The following UBE2H variants were observed in gnomAD, a reference collection of about 807,000 sequenced individuals.
UBE2H encodes ubiquitin conjugating enzyme E2 H.
UBE2H carries 3 observed loss-of-function variants against 29.0 expected under a neutral mutation model. The ratio of observed to expected loss-of-function variants is 0.10; its 90% CI spans 0.05 to 0.27. The LOEUF is 0.27. UBE2H is among the 10% of genes least tolerant of loss of function. The pLI is 1.00. For missense variants in UBE2H, 68 were observed against 228.2 expected, an observed-to-expected ratio of 0.30 and a Z score of 4.52; for synonymous variants, 69 against 82.9, an observed-to-expected ratio of 0.83 and a Z score of 0.91.
intron 5 of UBE2H, among the ~76,000 whole-genome samples, chr7:129,842,267 C>T (rs1487210451): frequency 6.6e-6 from 1 of 152,136 alleles, no homozygotes; most frequent in Admixed American, 6.5e-5. Flanking sequence ...CCTGTCCCTA[C>T]TAAAAAATAC....
chr7:129,881,045 ATGCCACTTAAAGTGT>A (rs1806242878), intron 1 of UBE2H, 74 bp from the exon 2 acceptor site: 3 of 1,354,878 alleles, frequency 2.2e-6, no homozygotes. Flanking sequence ...CCCCAGGCAT[ATGCCACTTAAAGTGT>A]TACCAAAATT....
chr7:129,832,779 T>C lies in UBE2H; in HGVS notation c.*2158A>G, dbSNP rs1429017108. On this transcript the variant is annotated 3_prime_UTR_variant, in exon 7 of 7. Coordinates refer to ENST00000355621, the MANE Select transcript of UBE2H (RefSeq NM_003344.4). Reference sequence around the variant, plus strand: ...TTTTTTTAAGGTAATTAGAACACTATTGTTTATACAATATTGAAAAAATAC... The same window carrying C: ...TTTTTTTAAGGTAATTAGAACACTACTGTTTATACAATATTGAAAAAATAC... 1.3e-5 allele frequency: 2 copies of C among 152,204 alleles called. No individual in the cohort carries two copies. The highest frequency in any genetic ancestry group is 4.8e-5 in the African/African-American group (2 of 41,448). The allele number at this position is 152,204 out of a possible 1,614,324, so 9.4% of individuals were successfully genotyped here. A position where few individuals can be genotyped will look rare whatever the true frequency, so the allele number is the denominator to read the frequency against.
chr7:129,952,094 G>A lies in UBE2H; in HGVS notation c.53+409C>T, dbSNP rs557490387. Among the ~76,000 whole-genome samples the A allele has an allele frequency of 1.3e-4, 20 of 152,224 alleles. No individual in the cohort carries two copies. In the South Asian group the frequency reaches 1.9e-3, roughly 14 times the overall value. On this transcript the variant is annotated intron_variant, in intron 1 of 6. Coordinates refer to ENST00000355621, the MANE Select transcript of UBE2H (RefSeq NM_003344.4). ...GGGGGCATCTCAAGAAACGGAGAAA[G>A]GCTTCCCTCTCGGGAATTTCTGCCT...
chr7:129,933,734 A>G (rs1312511585), intron 1 of UBE2H, among the ~76,000 whole-genome samples: 1 of 152,244 alleles, frequency 6.6e-6, no homozygotes, highest in Non-Finnish European at 1.5e-5. Flanking sequence ...GCCAAAGTTT[A>G]GTCTAAAAAT....
At position 129,911,282 on chromosome 7, in the gene UBE2H, T is replaced by C. The variant is rs554201255; in HGVS notation, c.54-30311A>G. ...ACTCAGGAGGCTGAGGCAGGAGAAT[T>C]GCTTGAACCTGGGAGGTGGAGGTTC... On this transcript the variant is annotated intron_variant, in intron 1 of 6. Coordinates refer to ENST00000355621, the MANE Select transcript of UBE2H (RefSeq NM_003344.4). Among the ~76,000 whole-genome samples the C allele has an allele frequency of 2.0e-5, 3 of 151,534 alleles. No individual in the cohort carries two copies. In the South Asian group the frequency reaches 6.3e-4, roughly 32 times the overall value.
At position 129,834,548 on chromosome 7, in the gene UBE2H, T is replaced by C. The variant is rs1446908255; in HGVS notation, c.*389A>G. ...CTATTTTATCTTCACATCCAAGAGC[T>C]GGTTGGTTTGGTTTGTTTCTTTGGA... is the stretch of plus-strand genomic sequence containing the variant. On this transcript the variant is annotated 3_prime_UTR_variant, in exon 7 of 7. Transcript: ENST00000355621. 1 of 156,552 alleles carries C rather than the reference T, an allele frequency of 6.4e-6. No homozygotes were observed. The highest frequency in any genetic ancestry group is 1.4e-5 in the Non-Finnish European group (1 of 70,736). 9.7% of individuals were successfully genotyped at this position (156,552 alleles called of 1,614,324 possible).
At chr7:129,849,316 G>A (rs1044951597) in intron 5 of UBE2H, among the ~76,000 whole-genome samples, 1 of 152,172 alleles carries the variant, frequency 6.6e-6, no homozygotes, top group Admixed American at 6.5e-5. Flanking sequence ...AGTGGCTCAC[G>A]CCTGTAATCC....
At chr7:129,835,308 T>C (rs1805302017) in intron 6 of UBE2H, among the ~76,000 whole-genome samples, 1 of 152,154 alleles carries the variant, frequency 6.6e-6, no homozygotes, top group African/African-American at 2.4e-5. Flanking sequence ...CAGGCTCAGC[T>C]TGCAGGGGAA....
chr7:129,862,560 G>C (rs1805822173), intron 3 of UBE2H, among the ~76,000 whole-genome samples: 1 of 152,164 alleles, frequency 6.6e-6, no homozygotes, highest in African/African-American at 2.4e-5. Flanking sequence ...TGGTCAGGAA[G>C]GGACTTCCTG....
intron 1 of UBE2H, among the ~76,000 whole-genome samples, chr7:129,941,188 A>G (rs1349461147): frequency 1.3e-5 from 2 of 151,746 alleles, no homozygotes; most frequent in African/African-American, 4.8e-5. Flanking sequence ...CGAACTCCTG[A>G]GTTCAAGCAA....
chr7:129,948,951 T>C (rs1563056123), intron 1 of UBE2H: 2 of 456,332 alleles, frequency 4.4e-6, no homozygotes, highest in East Asian at 1.4e-4. Context: ...CACTCTCTTG[T>C]CACATACTCC....
intron 3 of UBE2H, among the ~76,000 whole-genome samples, chr7:129,873,729 C>A (rs1032546878): frequency 6.6e-6 from 1 of 152,054 alleles, no homozygotes. Flanking sequence ...TGAGCCACTG[C>A]GCTCGGCCTC....
intron 1 of UBE2H, among the ~76,000 whole-genome samples, chr7:129,886,987 G>A (rs939088533): frequency 1.6e-4 from 25 of 151,970 alleles, no homozygotes; most frequent in East Asian, 5.8e-4. Flanking sequence ...GGCCAGCAAC[G>A]TTAATGATTG....
intron 1 of UBE2H, among the ~76,000 whole-genome samples, chr7:129,915,109 G>T (rs79027983): frequency 6.6e-6 from 1 of 152,012 alleles, no homozygotes; most frequent in Non-Finnish European, 1.5e-5. Context: ...GTCTTTCCCC[G>T]AGGCTGTGAA....
chr7:129,907,289 G>C (rs1806838051), intron 1 of UBE2H, among the ~76,000 whole-genome samples: 1 of 152,146 alleles, frequency 6.6e-6, no homozygotes, highest in South Asian at 2.1e-4. Flanking sequence ...CAAGCGGTAT[G>C]ACAGCTGTCG....
At chr7:129,935,275 G>T (rs552062951) in intron 1 of UBE2H, among the ~76,000 whole-genome samples, 1 of 151,578 alleles carries the variant, frequency 6.6e-6, no homozygotes, top group East Asian at 1.9e-4. Flanking sequence ...TTTGCTGGGC[G>T]TGGTAGTGCA....
chr7:129,845,114 A>C (rs939652783), intron 5 of UBE2H, among the ~76,000 whole-genome samples: 1 of 152,202 alleles, frequency 6.6e-6, no homozygotes, highest in Non-Finnish European at 1.5e-5. Context: ...TGGGCAATGG[A>C]GTGAGACTCC....
At chr7:129,886,313 A>G (rs978203802) in intron 1 of UBE2H, among the ~76,000 whole-genome samples, 1 of 152,180 alleles carries the variant, frequency 6.6e-6, no homozygotes, top group Non-Finnish European at 1.5e-5. Context: ...CACCTACCAC[A>G]TTATTTTCCT....
At chr7:129,947,629 A>G (rs1807791877) in intron 1 of UBE2H, among the ~76,000 whole-genome samples, 1 of 152,210 alleles carries the variant, frequency 6.6e-6, no homozygotes, top group Non-Finnish European at 1.5e-5. Flanking sequence ...TATACATCCT[A>G]GCACACAAAA....
Sources: gnomAD v4.1 joint callset for allele counts (sites outside exome capture counted in the v4.1 genomes callset) on GRCh38, gnomAD v4.1.1 for gene constraint, MANE v1.5 for transcripts, NCBI Gene and HGNC (gene_info 2026-07-23, HGNC 2026-07-21) for gene names.